Variants in RSF1 observed in about 807,000 individuals in gnomAD.
RSF1 encodes the protein HBV pX-associated protein 8.
RSF1 carries 13 observed loss-of-function variants against 145.2 expected under a neutral mutation model. That is an observed-to-expected ratio of 0.09 (90% CI 0.06 to 0.14). The LOEUF (loss-of-function observed/expected upper bound fraction) is 0.14. RSF1 is among the 10% of genes least tolerant of loss of function. RSF1 has a pLI of 1.00. For synonymous variants in RSF1, 577 were observed against 592.6 expected (o/e 0.97, Z 0.38); for missense variants, 1,517 against 1,718.2 (o/e 0.88, Z 2.07).
the RSF1 span, among the ~76,000 whole-genome samples, chr11:77,842,175 A>C: frequency 1.3e-5 from 2 of 152,116 alleles, no homozygotes; most frequent in African/African-American, 4.8e-5. Flanking sequence ...TGGGGAGAGA[A>C]TATGTCAACC....
At chr11:77,744,338 T>C (rs1314358467) in intron 3 of RSF1, among the ~76,000 whole-genome samples, 1 of 151,648 alleles carries the variant, frequency 6.6e-6, no homozygotes, top group African/African-American at 2.4e-5. Flanking sequence ...TTATTTATTT[T>C]TTAAAGACAA....
chr11:77,825,545 A>T (rs1417188224), upstream of RSF1, among the ~76,000 whole-genome samples: 1 of 152,174 alleles, frequency 6.6e-6, no homozygotes, highest in Non-Finnish European at 1.5e-5. Context: ...TTTAATAAGA[A>T]GATGTATGAA....
the RSF1 span, among the ~76,000 whole-genome samples, chr11:77,837,811 C>T: frequency 1.2e-4 from 19 of 152,190 alleles, no homozygotes; most frequent in South Asian, 2.7e-3. Context: ...AATGCAAGCA[C>T]TTGGGAGGCT....
intron 1 of RSF1, among the ~76,000 whole-genome samples, chr11:77,772,601 G>A (rs1182372191): frequency 6.6e-6 from 1 of 152,136 alleles, no homozygotes; most frequent in Non-Finnish European, 1.5e-5. Context: ...AAAGTCAGGA[G>A]AGAGGGGTGC....
the RSF1 span, among the ~76,000 whole-genome samples, chr11:77,867,290 G>C: frequency 6.8e-6 from 1 of 146,672 alleles, no homozygotes; most frequent in African/African-American, 2.6e-5. Context: ...CCATTAGAAG[G>C]TACCCCTTCT....
At chr11:77,867,387 G>GT in the RSF1 span, among the ~76,000 whole-genome samples, 1 of 152,100 alleles carries the variant, frequency 6.6e-6, no homozygotes, top group African/African-American at 2.4e-5. Flanking sequence ...TCCCACTTGG[G>GT]TTTATTCACT....
At chr11:77,869,306 C>CTTT in the RSF1 span, 240 of 120,400 alleles carry the variant, frequency 2.0e-3, 8 homozygotes, top group African/African-American at 6.8e-3. Context: ...TTATTTATCT[C>CTTT]TTTTTCTTTT....
rs1029541509 is a variant in RSF1 at position 77,818,044 on chromosome 11, T to C, written c.187+2484A>G. On this transcript the variant is annotated intron_variant, in intron 1 of 15. Coordinates refer to ENST00000308488, the MANE Select transcript of RSF1 (RefSeq NM_016578.4). ...TTCTGAACTGTGTAACATTAATTAA[T>C]AATTATTCTAAGATCACCTTATGAT... is the stretch of plus-strand genomic sequence containing the variant. Among the ~76,000 whole-genome samples the C allele has an allele frequency of 1.4e-3, 216 of 152,236 alleles. 26 individuals are homozygous for C.
intron 15 of RSF1, among the ~76,000 whole-genome samples, chr11:77,668,324 G>T (rs1959426223): frequency 6.6e-6 from 1 of 152,238 alleles, no homozygotes; most frequent in Admixed American, 6.5e-5. Context: ...CTTGGGGGAA[G>T]ATGTCTGATA....
the RSF1 span, among the ~76,000 whole-genome samples, chr11:77,862,477 TCTC>T: frequency 1.3e-5 from 2 of 152,150 alleles, no homozygotes; most frequent in South Asian, 2.1e-4. Flanking sequence ...TGGGCCAAAT[TCTC>T]CTCCTCCCAC....
rs1242532391 is a variant in RSF1 at position 77,663,032 on chromosome 11, C to CAT, written c.*3884_*3885insAT. 1 of 152,184 alleles carries CAT rather than the reference C, an allele frequency of 6.6e-6. No homozygotes were observed. Among genetic ancestry groups the CAT allele is most frequent in the East Asian group, 1.9e-4 (1 of 5,178 alleles). The allele number at this position is 152,184 out of a possible 1,614,324, so 9.4% of individuals were successfully genotyped here. On this transcript the variant is annotated 3_prime_UTR_variant, in exon 16 of 16. Coordinates refer to ENST00000308488, the MANE Select transcript of RSF1 (RefSeq NM_016578.4). ...GTGTGTGCGTGTGCACACACACACA[C>CAT]ACATATACACATGTACCATTTAACT...
chr11:77,784,012 T>C (rs1442479609), intron 1 of RSF1, among the ~76,000 whole-genome samples: 1 of 152,254 alleles, frequency 6.6e-6, no homozygotes, highest in Non-Finnish European at 1.5e-5. Context: ...GTGTTTGTCG[T>C]ACTTTAGGTT....
At chr11:77,855,517 G>C in the RSF1 span, 1 of 169,042 alleles carries the variant, frequency 5.9e-6, no homozygotes, top group Non-Finnish European at 1.3e-5. Flanking sequence ...TTTTAGTAGA[G>C]ACGGGGTGTC....
chr11:77,688,819 T>C (rs973333075), intron 9 of RSF1, among the ~76,000 whole-genome samples: 1 of 152,190 alleles, frequency 6.6e-6, no homozygotes, highest in Admixed American at 6.5e-5. Context: ...TTTTATGTCC[T>C]AGTCAATTTG....
intron 1 of RSF1, among the ~76,000 whole-genome samples, chr11:77,774,074 A>C (rs1948315334): frequency 1.3e-5 from 2 of 152,214 alleles, no homozygotes; most frequent in Admixed American, 6.5e-5. Flanking sequence ...CTCAATTCCT[A>C]ATTATCTATC....
At chr11:77,722,028 AC>A (rs1960952852) in intron 5 of RSF1, among the ~76,000 whole-genome samples, 1 of 152,110 alleles carries the variant, frequency 6.6e-6, no homozygotes, top group African/African-American at 2.4e-5. Context: ...AAATTAAAAA[AC>A]ATTAGCCAGG....
Position 77,662,250 on chromosome 11 carries a change from T to C in RSF1, c.*4667A>G, listed in dbSNP as rs553395828. On this transcript the variant is annotated 3_prime_UTR_variant, in exon 16 of 16. Coordinates refer to ENST00000308488, the MANE Select transcript of RSF1 (RefSeq NM_016578.4). ...AAACATCTTCACTAACTGAAACCAT[T>C]ATGATGTGCCAGAATTGGGTTTACT... 5.9e-5 allele frequency: 9 copies of C among 152,236 alleles called. No homozygotes were observed. The highest frequency in any genetic ancestry group is 1.9e-4 in the African/African-American group (8 of 41,550). 9.4% of individuals were successfully genotyped at this position (152,236 alleles called of 1,614,324 possible).
rs536202920 is a variant in RSF1 at position 77,660,020 on chromosome 11, A to G, written c.*6897T>C. ...ATCATGCTAAATAATTCAAATTTAA[A>G]TTTTTATTATGACAATTGACATATT... is the stretch of plus-strand genomic sequence containing the variant. On this transcript the variant is annotated 3_prime_UTR_variant, in exon 16 of 16. Transcript: ENST00000308488. 2.0e-5 allele frequency: 3 copies of G among 152,330 alleles called. No homozygotes were observed. In the East Asian group the frequency reaches 5.8e-4, roughly 29 times the overall value. The allele number at this position is 152,330 out of a possible 1,614,324, so 9.4% of individuals were successfully genotyped here. A position where few individuals can be genotyped will look rare whatever the true frequency, so the allele number is the denominator to read the frequency against.
chr11:77,703,840 AAC>A (rs1960480255), intron 5 of RSF1, among the ~76,000 whole-genome samples: 1 of 152,234 alleles, frequency 6.6e-6, no homozygotes. Flanking sequence ...GTAAGAAAAA[AAC>A]AGAGATGACA....
Sources: gnomAD v4.1 joint callset for allele counts (sites outside exome capture counted in the v4.1 genomes callset) on GRCh38, gnomAD v4.1.1 for gene constraint, MANE v1.5 for transcripts, NCBI Gene and HGNC (gene_info 2026-07-23, HGNC 2026-07-21) for gene names.